Variants in STRIP1 observed in about 807,000 individuals in gnomAD.
STRIP1 encodes striatin-interacting protein 1.
STRIP1 carries 63 observed loss-of-function variants against 106.2 expected under a neutral mutation model. The ratio of observed to expected loss-of-function variants is 0.59; its 90% CI spans 0.48 to 0.73. STRIP1 has a LOEUF of 0.73. Ranked by LOEUF, STRIP1 falls within the 30% of genes least tolerant of loss-of-function variation. The pLI is 0.00. For missense variants in STRIP1, 857 were observed against 1,074.8 expected (o/e 0.80, Z 2.83); for synonymous variants, 390 against 413.0 (o/e 0.94, Z 0.67).
chr1:110,034,615 G>A (rs1405028193), upstream of STRIP1: 4 of 1,499,078 alleles, frequency 2.7e-6, no homozygotes, highest in Non-Finnish European at 3.5e-6. Flanking sequence ...CGCGAGTTAA[G>A]CTGGGGGTGT....
At chr1:110,043,884 T>C in intron 10 of STRIP1, 28 bp downstream of exon 10, 1 of 1,601,680 alleles carries the variant, frequency 6.2e-7, no homozygotes, top group Non-Finnish European at 8.5e-7. Flanking sequence ...AGAGCACTCA[T>C]AGTTCCTGAG....
rs146210829 is a variant in STRIP1, at chr1:110,041,752, A to T, written c.776A>T (p.Asn259Ile). The T allele has an allele frequency of 1.2e-6, 2 of 1,614,034 alleles. No homozygotes were observed. The highest frequency in any genetic ancestry group is 8.5e-7 in the Non-Finnish European group (1 of 1,180,030). ...RAELGSPLYN[N>I]EPFAIMLFGM... ...CCTCCAGGCTCCCCGCTGTACAACA[A>T]TGAGCCATTTGCCATCATGCTGTTT... is the stretch of plus-strand genomic sequence containing the variant. Residue 259 changes from asparagine to isoleucine, a missense_variant, in exon 8 of 21, where the codon AAT (asparagine) becomes ATT (isoleucine). Coordinates refer to ENST00000369795, the MANE Select transcript of STRIP1 (RefSeq NM_033088.4).
intron 17 of STRIP1, chr1:110,050,014 T>C: frequency 5.2e-6 from 2 of 383,754 alleles, no homozygotes; most frequent in Non-Finnish European, 4.8e-6. Flanking sequence ...CCAGACCCTG[T>C]CTCCAGAAAG....
intron 3 of STRIP1, 136 bp downstream of exon 3, chr1:110,038,893 AGATACATGTAG>A (rs1652622556): frequency 1.2e-6 from 1 of 806,494 alleles, no homozygotes; most frequent in Admixed American, 2.6e-5. Context: ...GTTCAAAGCC[AGATACATGTAG>A]AGTGGGCTTG....
chr1:110,040,104 C>G (rs371120395), intron 5 of STRIP1, among the ~76,000 whole-genome samples: 1 of 152,196 alleles, frequency 6.6e-6, no homozygotes, highest in Non-Finnish European at 1.5e-5. Context: ...GAAACTAAGG[C>G]GCAGTTAGAG....
At chr1:110,051,198 C>G in intron 19 of STRIP1, 138 bp downstream of exon 19, 1 of 640,498 alleles carries the variant, frequency 1.6e-6, no homozygotes, top group Non-Finnish European at 2.8e-6. Flanking sequence ...ATTTTAAGGG[C>G]CAATTCCCAG....
In STRIP1 at chr1:110,043,031, CA is replaced by C. The variant is rs1028703663; in HGVS notation, c.886-56del. On this transcript the variant is annotated intron_variant, in intron 8 of 20. Coordinates refer to ENST00000369795, the MANE Select transcript of STRIP1 (RefSeq NM_033088.4). ...ATGTTTCTGAGCCTGACACAATGGT[CA>C]GGGGCCAGCCTGTGGACACATTGAC... 7 of 1,510,430 alleles carry C rather than the reference CA, an allele frequency of 4.6e-6. No individual in the cohort carries two copies. In the African/African-American group the frequency reaches 9.7e-5, roughly 21 times the overall value. The allele number at this position is 1,510,430 out of a possible 1,614,324, so 93.6% of individuals were successfully genotyped here.
At chr1:110,038,657 A>G (rs764372554) in intron 2 of STRIP1, 26 bp from the exon 3 acceptor site, 47 of 1,607,214 alleles carry the variant, frequency 2.9e-5, no homozygotes, top group South Asian at 2.3e-4. Flanking sequence ...CATGGAACCA[A>G]TGGTGACGAG....
Position 110,053,652 on chromosome 1 carries a change from T to C in STRIP1, c.2267-13T>C, listed in dbSNP as rs374073282. On this transcript the variant is annotated splice_polypyrimidine_tract_variant and intron_variant, in intron 20 of 20. Transcript: ENST00000369795. Reference sequence around the variant, plus strand: ...CATGGCTCCTAACGGTGTTTCTTCCTGCTTTGTCTCAGATCTTGATGCCCG... The same window carrying C: ...CATGGCTCCTAACGGTGTTTCTTCCCGCTTTGTCTCAGATCTTGATGCCCG... The C allele has an allele frequency of 3.7e-6, 6 of 1,613,474 alleles. No homozygotes were observed. In the African/African-American group the frequency reaches 8.0e-5, roughly 22 times the overall value.
intron 13 of STRIP1, 57 bp downstream of exon 13, chr1:110,046,808 T>C: frequency 7.3e-7 from 1 of 1,360,920 alleles, no homozygotes; most frequent in Non-Finnish European, 1.0e-6. Context: ...TCCCAGCACT[T>C]TGGGAGGCCG....
At position 110,051,038 on chromosome 1, in the gene STRIP1, A is replaced by T; in HGVS notation, c.2039A>T (p.Lys680Met). 6.2e-7 allele frequency: 1 copy of T among 1,612,364 alleles called. No homozygotes were observed. Among genetic ancestry groups the T allele is most frequent in the Non-Finnish European group, 8.5e-7 (1 of 1,178,334 alleles). Reference protein sequence around the residue: ...NLLRILNKLTKWKHSRTMMLV... With the variant: ...NLLRILNKLTMWKHSRTMMLV... ...CTTCGGATCTTGAACAAGCTGACAA[A>T]GTGGAAGCATTCAAGGACAATGGTA... Residue 680 changes from lysine to methionine, a missense_variant, in exon 19 of 21, where the codon AAG (lysine) becomes ATG (methionine). Physicochemically the swap from Lys to Met is moderately conservative, Grantham distance 95. Around this residue, in one of 2 missense-constraint regions of STRIP1, gnomAD observed 750 missense variants for 989.8 expected, o/e 0.76. Transcript: ENST00000369795.
At position 110,037,872 on chromosome 1, in the gene STRIP1, T is replaced by C. The variant is rs1271804588; in HGVS notation, c.181-19T>C. 3 of 1,578,056 alleles carry C rather than the reference T, an allele frequency of 1.9e-6. No individual in the cohort carries two copies. The highest frequency in any genetic ancestry group is 1.7e-4 in the Middle Eastern group (1 of 6,006). ...ATAGAATGATCCTTTTTCCTAAAGC[T>C]CTCTCCTCTTGTCAGCAGGGCTATT... On this transcript the variant is annotated intron_variant, in intron 1 of 20. Coordinates refer to ENST00000369795, the MANE Select transcript of STRIP1 (RefSeq NM_033088.4).
In STRIP1 at chr1:110,054,083, T is replaced by A; in HGVS notation, c.*171T>A. The A allele has an allele frequency of 1.4e-6, 1 of 714,252 alleles. No homozygotes were observed. The highest frequency in any genetic ancestry group is 2.3e-6 in the Non-Finnish European group (1 of 434,862). The allele number at this position is 714,252 out of a possible 1,614,324, so 44.2% of individuals were successfully genotyped here. On this transcript the variant is annotated 3_prime_UTR_variant, in exon 21 of 21. Coordinates refer to ENST00000369795, the MANE Select transcript of STRIP1 (RefSeq NM_033088.4). The stretch of plus-strand genomic sequence containing the variant: ...GGGTGAGCCCAGCTTGACCTCCCCT[T>A]GGTTCCCAGGGTCCTGCTCCGAAGC...
intron 20 of STRIP1, among the ~76,000 whole-genome samples, chr1:110,053,215 C>T (rs996692559): frequency 8.5e-5 from 13 of 152,292 alleles, no homozygotes; most frequent in African/African-American, 2.9e-4. Context: ...CGTGTTGCTG[C>T]GTTGTTGCGT....
chr1:110,039,747 C>A, intron 5 of STRIP1: 1 of 1,133,046 alleles, frequency 8.8e-7, no homozygotes, highest in Non-Finnish European at 1.2e-6. Flanking sequence ...TTACACCAGA[C>A]AGTGCAGGCC....
intron 1 of STRIP1, 72 bp downstream of exon 1, chr1:110,034,889 T>G: frequency 7.4e-7 from 1 of 1,346,776 alleles, no homozygotes; most frequent in Non-Finnish European, 9.6e-7. Context: ...GGGGCCACTC[T>G]AGGGGCCAGG....
intron 5 of STRIP1, 99 bp downstream of exon 5, chr1:110,039,614 C>A: frequency 2.2e-6 from 3 of 1,392,814 alleles, no homozygotes; most frequent in South Asian, 1.3e-5. Flanking sequence ...TTAAATGGGG[C>A]AGAAGTTCTG....
chr1:110,035,700 T>C (rs1443665909), intron 1 of STRIP1, among the ~76,000 whole-genome samples: 5 of 152,182 alleles, frequency 3.3e-5, no homozygotes, highest in Admixed American at 1.3e-4. Context: ...ATCTCCTAGA[T>C]TGATCAGCAG....
chr1:110,043,607 G>A, intron 9 of STRIP1, 32 bp from the exon 10 acceptor site: 1 of 1,591,030 alleles, frequency 6.3e-7, no homozygotes, highest in Non-Finnish European at 8.6e-7. Flanking sequence ...TCCTCAGTTG[G>A]CTCTTGTCTC....
Sources: allele counts gnomAD v4.1 joint callset (sites outside exome capture counted in the v4.1 genomes callset), GRCh38; gene constraint gnomAD v4.1.1; regional missense constraint gnomAD v4.1.1; transcripts MANE v1.5; gene names NCBI Gene and HGNC (gene_info 2026-07-23, HGNC 2026-07-21).